NRG1: variants seen among roughly 807,000 people sequenced by gnomAD.
NRG1 encodes pro-neuregulin-1, membrane-bound isoform.
In NRG1, 18 loss-of-function variants were observed where a neutral mutation model predicts 63.8. The observed-to-expected ratio is 0.28, with a 90% confidence interval of 0.19 to 0.42. The LOEUF is 0.42. NRG1 is among the 10% of genes least tolerant of loss of function. NRG1 has a pLI of 1.00. For synonymous variants in NRG1, 302 were observed against 301.3 expected (o/e 1.00, Z -0.02); for missense variants, 762 against 814.7 (o/e 0.94, Z 0.79).
At chr8:31,736,171 G>A (rs916871516) in intron 1 of NRG1, among the ~76,000 whole-genome samples, 2 of 152,176 alleles carry the variant, frequency 1.3e-5, no homozygotes, top group East Asian at 3.9e-4. Context: ...CCGCCCTCAG[G>A]TCACTCTGCT....
intron 1 of NRG1, among the ~76,000 whole-genome samples, chr8:31,708,211 G>A (rs1585814305): frequency 6.6e-6 from 1 of 152,022 alleles, no homozygotes; most frequent in South Asian, 2.1e-4. Context: ...CCATTGTAAC[G>A]TAAGTAAAAG....
chr8:32,719,303 C>G (rs1218554069), intron 5 of NRG1, among the ~76,000 whole-genome samples: 1 of 151,802 alleles, frequency 6.6e-6, no homozygotes, highest in Non-Finnish European at 1.5e-5. Flanking sequence ...TTTAAACATG[C>G]ATATTAAAAA....
At chr8:32,444,905 T>C (rs563480435) in intron 1 of NRG1, among the ~76,000 whole-genome samples, 21 of 152,206 alleles carry the variant, frequency 1.4e-4, no homozygotes, top group Non-Finnish European at 2.9e-4. Flanking sequence ...TAGCTTTAAA[T>C]GTCTGTGATT....
intron 1 of NRG1, among the ~76,000 whole-genome samples, chr8:32,379,565 C>A (rs752016793): frequency 1.3e-5 from 2 of 152,166 alleles, no homozygotes; most frequent in African/African-American, 4.8e-5. Flanking sequence ...ATTGATATAA[C>A]AAATTATGAT....
At chr8:31,835,389 A>G (rs1825597734) in intron 1 of NRG1, among the ~76,000 whole-genome samples, 1 of 152,204 alleles carries the variant, frequency 6.6e-6, no homozygotes, top group Non-Finnish European at 1.5e-5. Flanking sequence ...AGCTGGTTTG[A>G]GAACATGTAG....
intron 1 of NRG1, among the ~76,000 whole-genome samples, chr8:31,942,543 C>T (rs327354): frequency 0.9 from 137,379 of 152,154 alleles, 62,848 homozygotes; most frequent in African/African-American, 0.98. Flanking sequence ...TAGATGGGAA[C>T]TAATGAAACT....
At chr8:32,149,515 A>G (rs1837265831) in intron 1 of NRG1, among the ~76,000 whole-genome samples, 1 of 117,000 alleles carries the variant, frequency 8.5e-6, no homozygotes, top group Non-Finnish European at 2.1e-5. Flanking sequence ...TGAACAAATC[A>G]TTTAATACAA....
At chr8:32,130,076 A>G (rs913479314) in intron 1 of NRG1, among the ~76,000 whole-genome samples, 1 of 151,982 alleles carries the variant, frequency 6.6e-6, no homozygotes, top group African/African-American at 2.4e-5. Flanking sequence ...GAAAGACGGC[A>G]GTTTAACGTC....
chr8:31,932,302 C>T (rs1834933324), intron 1 of NRG1, among the ~76,000 whole-genome samples: 2 of 152,062 alleles, frequency 1.3e-5, no homozygotes, highest in Non-Finnish European at 2.9e-5. Flanking sequence ...GCAAATTTTC[C>T]GTATAGGAAT....
intron 1 of NRG1, among the ~76,000 whole-genome samples, chr8:32,189,613 C>T (rs1186948721): frequency 6.6e-6 from 1 of 152,116 alleles, no homozygotes; most frequent in Non-Finnish European, 1.5e-5. Context: ...TATAAAATGT[C>T]TGGGATAATG....
chr8:32,528,342 C>CATA, intron 1 of NRG1, among the ~76,000 whole-genome samples: 1 of 152,262 alleles, frequency 6.6e-6, no homozygotes, highest in African/African-American at 2.4e-5. Flanking sequence ...AGTACAAAGC[C>CATA]CAGTATGCAA....
chr8:32,205,821 T>C lies in NRG1; in HGVS notation c.38-390007T>C, dbSNP rs542664366. On this transcript the variant is annotated intron_variant, in intron 1 of 10. Transcript: ENST00000519301. ...AAAAATAAGGAATGCACAAATAAAA[T>C]GTAATGCAGGTCAGGCATGGTGGCT... is the stretch of plus-strand genomic sequence containing the variant. Among the ~76,000 whole-genome samples, 13 of 151,290 alleles carry C rather than the reference T, an allele frequency of 8.6e-5. No homozygotes were observed. In the East Asian group the frequency reaches 2.3e-3, roughly 27 times the overall value.
intron 1 of NRG1, among the ~76,000 whole-genome samples, chr8:32,215,524 T>G (rs1044912053): frequency 6.6e-6 from 1 of 152,266 alleles, no homozygotes; most frequent in East Asian, 1.9e-4. Flanking sequence ...CACACACTTA[T>G]GAGGAAACTA....
chr8:32,133,482 T>G (rs574146765), intron 1 of NRG1, among the ~76,000 whole-genome samples: 67 of 152,264 alleles, frequency 4.4e-4, no homozygotes, highest in Non-Finnish European at 8.4e-4. Flanking sequence ...ACTCAGGAGC[T>G]GAGATAGCAT....
intron 1 of NRG1, among the ~76,000 whole-genome samples, chr8:32,543,159 A>G (rs1204892552): frequency 6.6e-6 from 1 of 152,210 alleles, no homozygotes; most frequent in Non-Finnish European, 1.5e-5. Flanking sequence ...ACAAGGTTAT[A>G]TAATCTCTGC....
At chr8:31,652,164 T>C (rs895602519) in intron 1 of NRG1, among the ~76,000 whole-genome samples, 4 of 152,216 alleles carry the variant, frequency 2.6e-5, no homozygotes, top group African/African-American at 9.7e-5. Context: ...GCAGCATTAA[T>C]ATTTTTTAGT....
intron 1 of NRG1, among the ~76,000 whole-genome samples, chr8:32,204,606 G>C (rs538594155): frequency 6.6e-6 from 1 of 152,296 alleles, no homozygotes; most frequent in South Asian, 2.1e-4. Flanking sequence ...AAGTAAATGA[G>C]AAATAACATT....
chr8:32,338,078 C>A (rs2129478086), intron 1 of NRG1, among the ~76,000 whole-genome samples: 1 of 152,272 alleles, frequency 6.6e-6, no homozygotes, highest in Non-Finnish European at 1.5e-5. Flanking sequence ...TCAAATCTGC[C>A]ACACGAAATT....
intron 1 of NRG1, among the ~76,000 whole-genome samples, chr8:32,479,820 T>C (rs1825016995): frequency 6.6e-6 from 1 of 151,994 alleles, no homozygotes; most frequent in African/African-American, 2.4e-5. Context: ...CAGCTAATTT[T>C]TTCTATTTTG....
Sources: allele counts gnomAD v4.1 joint callset (sites outside exome capture counted in the v4.1 genomes callset), GRCh38; gene constraint gnomAD v4.1.1; transcripts MANE v1.5; gene names NCBI Gene and HGNC (gene_info 2026-07-23, HGNC 2026-07-21).